Variants in MYRIP observed in about 807,000 individuals in gnomAD.
The protein encoded by MYRIP is myosin VIIA and Rab interacting protein, also known as rab effector MyRIP.
A neutral mutation model predicts 98.0 loss-of-function variants in MYRIP; 49 were observed. The ratio of observed to expected loss-of-function variants is 0.50; its 90% confidence interval spans 0.40 to 0.63. The LOEUF (loss-of-function observed/expected upper bound fraction) is 0.63, where lower values mean the gene tolerates loss of function less well. MYRIP is among the 30% of genes least tolerant of loss of function. The pLI, the probability that MYRIP is intolerant of heterozygous loss-of-function variation, is 0.00. For missense variants in MYRIP, 1,004 were observed against 1,058.2 expected, an observed-to-expected ratio of 0.95 and a Z score of 0.71; for synonymous variants, 404 against 409.5, an observed-to-expected ratio of 0.99 and a Z score of 0.16.
intron 3 of MYRIP, among the ~76,000 whole-genome samples, chr3:40,138,107 A>G (rs192953560): frequency 6.6e-6 from 1 of 152,362 alleles, no homozygotes; most frequent in Admixed American, 6.5e-5. Flanking sequence ...CCAAGAACAT[A>G]TGTGTTTGGA....
At chr3:40,031,802 G>A (rs1024037121) in intron 2 of MYRIP, among the ~76,000 whole-genome samples, 1 of 152,068 alleles carries the variant, frequency 6.6e-6, no homozygotes, top group Non-Finnish European at 1.5e-5. Context: ...TTCTCTGATG[G>A]TAGTTTGTAT....
At chr3:40,178,656 T>C (rs1950821084) in intron 8 of MYRIP, among the ~76,000 whole-genome samples, 1 of 152,218 alleles carries the variant, frequency 6.6e-6, no homozygotes, top group Non-Finnish European at 1.5e-5. Flanking sequence ...ATTTGGCTAA[T>C]ATTTATTGAG....
intron 3 of MYRIP, among the ~76,000 whole-genome samples, chr3:40,105,495 G>C (rs1186651584): frequency 6.6e-6 from 1 of 152,154 alleles, no homozygotes; most frequent in Non-Finnish European, 1.5e-5. Flanking sequence ...CAAAGCTGGA[G>C]CAGGCGTCTC....
chr3:39,950,562 C>A (rs1944986496), intron 2 of MYRIP, among the ~76,000 whole-genome samples: 1 of 152,138 alleles, frequency 6.6e-6, no homozygotes, highest in Non-Finnish European at 1.5e-5. Context: ...GTCAAAGTGA[C>A]TTTTTTATTT....
chr3:40,190,577 A>C, intron 10 of MYRIP, 114 bp downstream of exon 10: 5 of 1,454,518 alleles, frequency 3.4e-6, no homozygotes, highest in Non-Finnish European at 4.5e-6. Flanking sequence ...CCAGATTCTC[A>C]TCTTGGTTTT....
At chr3:40,145,815 T>C (rs1236932574) in intron 3 of MYRIP, among the ~76,000 whole-genome samples, 1 of 152,222 alleles carries the variant, frequency 6.6e-6, no homozygotes, top group Admixed American at 6.5e-5. Context: ...AAGCTTGCTG[T>C]GTCCATACTA....
intron 1 of MYRIP, among the ~76,000 whole-genome samples, chr3:39,824,902 G>A (rs1575276405): frequency 6.6e-6 from 1 of 152,088 alleles, no homozygotes; most frequent in Non-Finnish European, 1.5e-5. Flanking sequence ...ATTTTATATA[G>A]AGACAAGGTC....
chr3:40,174,992 AAT>A (rs1559434697), intron 8 of MYRIP, among the ~76,000 whole-genome samples: 1 of 151,918 alleles, frequency 6.6e-6, no homozygotes, highest in Non-Finnish European at 1.5e-5. Context: ...AAACACAAAA[AAT>A]TAGCCGGGCA....
chr3:39,890,178 T>C (rs9847599), intron 1 of MYRIP, among the ~76,000 whole-genome samples: 13,847 of 151,946 alleles, frequency 0.091, 903 homozygotes, highest in African/African-American at 0.18. Context: ...TCGTTTTTTT[T>C]CCCCCATTTT....
chr3:40,057,593 C>T (rs1208085298), intron 3 of MYRIP, among the ~76,000 whole-genome samples: 3 of 152,132 alleles, frequency 2.0e-5, no homozygotes, highest in African/African-American at 7.2e-5. Context: ...ACAGACCACC[C>T]CTGTCCCAGA....
intron 1 of MYRIP, among the ~76,000 whole-genome samples, chr3:39,840,859 G>A (rs937985241): frequency 2.6e-5 from 4 of 152,124 alleles, no homozygotes; most frequent in African/African-American, 9.7e-5. Context: ...TCCCTTTGTG[G>A]GTAACCTGAC....
intron 2 of MYRIP, among the ~76,000 whole-genome samples, chr3:39,915,191 C>G (rs1429377837): frequency 3.3e-5 from 5 of 152,044 alleles, no homozygotes; most frequent in African/African-American, 1.2e-4. Flanking sequence ...AAATCTGGCT[C>G]GTCCTCCAAC....
intron 2 of MYRIP, among the ~76,000 whole-genome samples, chr3:39,939,535 A>C (rs777677259): frequency 2.0e-5 from 3 of 152,108 alleles, no homozygotes; most frequent in Non-Finnish European, 4.4e-5. Flanking sequence ...CAAAGGCCTA[A>C]CAGTGATTGT....
At chr3:39,847,767 G>A (rs1942010866) in intron 1 of MYRIP, among the ~76,000 whole-genome samples, 2 of 152,242 alleles carry the variant, frequency 1.3e-5, no homozygotes, top group South Asian at 2.1e-4. Context: ...TGCCCTCCCT[G>A]AGCCTCTCTG....
chr3:39,842,758 C>CT (rs1941843447), intron 1 of MYRIP, among the ~76,000 whole-genome samples: 1 of 152,134 alleles, frequency 6.6e-6, no homozygotes, highest in Non-Finnish European at 1.5e-5. Flanking sequence ...TGATTACCCC[C>CT]CCTGCTTCTG....
chr3:39,888,889 A>G (rs1042355523), intron 1 of MYRIP, among the ~76,000 whole-genome samples: 21 of 152,218 alleles, frequency 1.4e-4, no homozygotes, highest in African/African-American at 4.8e-4. Flanking sequence ...GACACTTCTC[A>G]AAAGAAGACA....
rs1948475159 is a variant in MYRIP at position 40,081,322 on chromosome 3, GAA to G, written c.332+37055_332+37056del. 2.0e-5 allele frequency among the ~76,000 whole-genome samples: 3 copies of G among 152,048 alleles called. No homozygotes were observed. The South Asian group carries it at 6.2e-4, about 32-fold the overall frequency. On this transcript the variant is annotated intron_variant, in intron 3 of 16. Coordinates refer to ENST00000302541, the MANE Select transcript of MYRIP (RefSeq NM_015460.4). ...TTGACTGCTTGTTATATCAATTACT[GAA>G]AAAGGCATTTCAAAATCTACCCTAA...
At chr3:39,893,869 C>T (rs1361928781) in intron 1 of MYRIP, among the ~76,000 whole-genome samples, 1 of 152,012 alleles carries the variant, frequency 6.6e-6, no homozygotes, top group African/African-American at 2.4e-5. Flanking sequence ...TATATAATAG[C>T]AAATTTAATC....
rs1326394789 is a variant in MYRIP at position 40,170,226 on chromosome 3, G to A, written c.873+133G>A. On this transcript the variant is annotated intron_variant, in intron 8 of 16. Coordinates refer to ENST00000302541, the MANE Select transcript of MYRIP (RefSeq NM_015460.4). ...AGAAGGATGGGGAGCGAAATTGAAA[G>A]AGAAAGTGAGTGTGAGTCGGGGGCC... The A allele has an allele frequency of 3.4e-6, 4 of 1,171,318 alleles. No individual in the cohort carries two copies. The Admixed American group carries it at 1.1e-4, about 31-fold the overall frequency. 72.6% of individuals were successfully genotyped at this position (1,171,318 alleles called of 1,614,324 possible). A position where few individuals can be genotyped will look rare whatever the true frequency, so the allele number is the denominator to read the frequency against.
Sources: gnomAD v4.1 joint callset for allele counts (sites outside exome capture counted in the v4.1 genomes callset) on GRCh38, gnomAD v4.1.1 for gene constraint, MANE v1.5 for transcripts, NCBI Gene and HGNC (gene_info 2026-07-23, HGNC 2026-07-21) for gene names.